LYPD6B: variants seen among roughly 807,000 people sequenced by gnomAD.
The protein encoded by LYPD6B is LY6/PLAUR domain containing 6B, also known as ly6/PLAUR domain-containing protein 6B.
Under a neutral mutation model 22.8 loss-of-function variants are expected in LYPD6B, and 17 were observed. The observed-to-expected ratio is 0.75, with a 90% confidence interval of 0.51 to 1.12. The LOEUF is 1.12. Among genes scored for constraint, LYPD6B ranks in the 50% most tolerant of loss-of-function variants. The pLI is 0.00. For missense variants in LYPD6B, 221 were observed against 258.3 expected (o/e 0.86, Z 0.99); for synonymous variants, 106 against 91.6 (o/e 1.16, Z -0.90).
intron 3 of LYPD6B, among the ~76,000 whole-genome samples, chr2:149,166,558 A>G (rs908729670): frequency 5.3e-5 from 8 of 152,088 alleles, no homozygotes; most frequent in Non-Finnish European, 1.2e-4. Context: ...GAGACTGCCA[A>G]TCTAAGGCTT....
chr2:149,064,099 T>C (rs1684217425), intron 1 of LYPD6B, among the ~76,000 whole-genome samples: 1 of 152,238 alleles, frequency 6.6e-6, no homozygotes, highest in Non-Finnish European at 1.5e-5. Flanking sequence ...TTGTTTTTTA[T>C]ACAAAATGTT....
At chr2:149,099,060 A>T (rs1397387233) in intron 1 of LYPD6B, among the ~76,000 whole-genome samples, 7 of 152,144 alleles carry the variant, frequency 4.6e-5, no homozygotes, top group Non-Finnish European at 1.0e-4. Context: ...ATTCTTAGTG[A>T]AATCTGCAAA....
chr2:149,182,795 C>A (rs890139220), intron 3 of LYPD6B, among the ~76,000 whole-genome samples: 6 of 152,178 alleles, frequency 3.9e-5, no homozygotes, highest in Non-Finnish European at 8.8e-5. Context: ...TCAATAGGGT[C>A]AAGGGATTAT....
intron 1 of LYPD6B, among the ~76,000 whole-genome samples, chr2:149,122,401 A>T (rs75053064): frequency 0.096 from 14,472 of 150,938 alleles, 1,891 homozygotes; most frequent in East Asian, 0.3. Context: ...CTTTTTTTTA[A>T]AAATTATTAT....
At chr2:149,200,368 T>G (rs1285208560) in intron 3 of LYPD6B, among the ~76,000 whole-genome samples, 1 of 152,226 alleles carries the variant, frequency 6.6e-6, no homozygotes. Context: ...CTTTATCATC[T>G]TTGGACACCC....
At chr2:149,060,752 A>G (rs1162827591) in intron 1 of LYPD6B, among the ~76,000 whole-genome samples, 1 of 152,092 alleles carries the variant, frequency 6.6e-6, no homozygotes. Context: ...TTGCTCTCCT[A>G]TAGTAGGAGG....
chr2:149,189,544 C>A lies in LYPD6B; in HGVS notation c.78-15709C>A, dbSNP rs150778213. 1.4e-3 allele frequency among the ~76,000 whole-genome samples: 215 copies of A among 151,348 alleles called. 1 individual carries two copies. Among genetic ancestry groups the A allele is most frequent in the African/African-American group, 5.0e-3 (207 of 41,204 alleles). On this transcript the variant is annotated intron_variant, in intron 3 of 6. Transcript: ENST00000409642. ...TGGAATCTGAAGTTAGGAGTAGGGG[C>A]AAGATAGAAATAGAGCTGGGGGACA...
intron 3 of LYPD6B, among the ~76,000 whole-genome samples, chr2:149,192,445 A>G (rs1248613728): frequency 2.1e-5 from 3 of 140,082 alleles, no homozygotes; most frequent in East Asian, 2.0e-4. Flanking sequence ...TTTAATTCTC[A>G]TATCTCCTAG....
chr2:149,176,877 C>T (rs956554886), intron 3 of LYPD6B, among the ~76,000 whole-genome samples: 1 of 152,190 alleles, frequency 6.6e-6, no homozygotes, highest in African/African-American at 2.4e-5. Flanking sequence ...AGAGTAGCAG[C>T]TATGCTTTAA....
intron 1 of LYPD6B, among the ~76,000 whole-genome samples, chr2:149,089,572 A>T (rs1336430591): frequency 6.6e-6 from 1 of 152,238 alleles, no homozygotes; most frequent in Non-Finnish European, 1.5e-5. Context: ...TTCAGGGATG[A>T]TCAATTCATA....
Position 149,117,365 on chromosome 2 carries a change from G to A in LYPD6B, c.-66-13518G>A, listed in dbSNP as rs147231880. On this transcript the variant is annotated intron_variant, in intron 1 of 6. Coordinates refer to ENST00000409642, the MANE Select transcript of LYPD6B (RefSeq NM_177964.5). ...GGCTCACTGATATCTCTGCCTCCCG[G>A]GTTCAAGTGATTCTCGTGCCTCAGC... Among the ~76,000 whole-genome samples the A allele has an allele frequency of 1.4e-4, 21 of 151,788 alleles. No individual in the cohort carries two copies. In the East Asian group the frequency reaches 3.5e-3, roughly 25 times the overall value.
chr2:149,133,782 G>T (rs1209025957), intron 2 of LYPD6B, among the ~76,000 whole-genome samples: 1 of 152,166 alleles, frequency 6.6e-6, no homozygotes, highest in East Asian at 1.9e-4. Context: ...TCAGTATGGA[G>T]ATACACAGGA....
chr2:149,124,718 AT>A (rs577079826), intron 1 of LYPD6B, among the ~76,000 whole-genome samples: 6 of 152,078 alleles, frequency 3.9e-5, no homozygotes, highest in Admixed American at 1.3e-4. Flanking sequence ...TGTGTTATGC[AT>A]TTTTTTTCCC....
chr2:149,059,982 C>T (rs542249737), intron 1 of LYPD6B, among the ~76,000 whole-genome samples: 19 of 151,954 alleles, frequency 1.3e-4, no homozygotes, highest in African/African-American at 3.4e-4. Flanking sequence ...ACTGTAGGCT[C>T]AGCATGGTCG....
chr2:149,160,658 C>G, intron 2 of LYPD6B, 106 bp from the exon 3 acceptor site: 1 of 781,532 alleles, frequency 1.3e-6, no homozygotes, highest in Non-Finnish European at 2.2e-6. Context: ...TGAAACATCT[C>G]CAAACATCCA....
rs577249132 is a variant in LYPD6B, at chr2:149,208,186, G to GT, written c.230-127dup. On this transcript the variant is annotated intron_variant, in intron 4 of 6. Coordinates refer to ENST00000409642, the MANE Select transcript of LYPD6B (RefSeq NM_177964.5). ...GAGTAAATCTAGCTCTCTAGAAACA[G>GT]TAATTGTAAGGATGAAAGCTTATAA... The GT allele has an allele frequency of 1.8e-4, 115 of 640,730 alleles. No homozygotes were observed. In the East Asian group the frequency reaches 2.6e-3, roughly 14 times the overall value. 39.7% of individuals were successfully genotyped at this position (640,730 alleles called of 1,614,324 possible). A position where few individuals can be genotyped will look rare whatever the true frequency, so the allele number is the denominator to read the frequency against.
At chr2:149,212,380 C>CAAAAAAAAAAAAAAAAAAAAA (rs386391473) in intron 5 of LYPD6B, among the ~76,000 whole-genome samples, 7 of 60,130 alleles carry the variant, frequency 1.2e-4, no homozygotes, top group African/African-American at 4.5e-4. Flanking sequence ...GACTCCGTCT[C>CAAAAAAAAAAAAAAAAAAAAA]AAAAAAAAAA....
chr2:149,046,518 T>G (rs892689111), intron 1 of LYPD6B, among the ~76,000 whole-genome samples: 9 of 151,934 alleles, frequency 5.9e-5, no homozygotes, highest in Non-Finnish European at 1.3e-4. Context: ...TGTTGTTGTT[T>G]ATTTTGTTTT....
intron 1 of LYPD6B, among the ~76,000 whole-genome samples, chr2:149,120,337 GTGTATATATATA>G (rs1442756177): frequency 1.4e-4 from 16 of 117,122 alleles, no homozygotes; most frequent in Admixed American, 2.7e-4. Context: ...ATATATATAT[GTGTATATATATA>G]TGTGTGTGTG....
Sources: gnomAD v4.1 joint callset for allele counts (sites outside exome capture counted in the v4.1 genomes callset) on GRCh38, gnomAD v4.1.1 for gene constraint, MANE v1.5 for transcripts, NCBI Gene and HGNC (gene_info 2026-07-23, HGNC 2026-07-21) for gene names.